Variants in DERA observed in about 807,000 individuals in gnomAD.
DERA encodes deoxyribose-phosphate aldolase.
DERA carries 15 observed loss-of-function variants against 41.1 expected under a neutral mutation model. The ratio of observed to expected loss-of-function variants is 0.37; its 90% CI spans 0.24 to 0.56. The LOEUF (loss-of-function observed/expected upper bound fraction) is 0.56. DERA is among the 20% of genes least tolerant of loss of function. DERA has a pLI of 0.81. For missense variants in DERA, 396 were observed against 403.4 expected, an observed-to-expected ratio of 0.98 and a Z score of 0.16; for synonymous variants, 139 against 137.4, an observed-to-expected ratio of 1.01 and a Z score of -0.08.
chr12:15,956,802 C>A (rs746741231), intron 1 of DERA, 134 bp from the exon 2 acceptor site: 15 of 771,288 alleles, frequency 1.9e-5, no homozygotes, highest in African/African-American at 1.9e-4. Flanking sequence ...TATAGTTGTA[C>A]AAAAAAGAAA....
rs1436681474 is a variant in DERA, at chr12:15,995,272, T to G, written c.637+12836T>G. 1.3e-5 allele frequency among the ~76,000 whole-genome samples: 2 copies of G among 152,100 alleles called. No homozygotes were observed. Among genetic ancestry groups the G allele is most frequent in the African/African-American group, 2.4e-5 (1 of 41,402 alleles). On this transcript the variant is annotated intron_variant, in intron 6 of 8. Coordinates refer to ENST00000428559, the MANE Select transcript of DERA (RefSeq NM_015954.4). This position sits in a 1 kb window ranked among gnomAD's most constrained non-coding sequence, Gnocchi z 5.1. ...AGAGAGGCAAGGTGTTTGCAGAAAT[T>G]TATAGGAGTTGGTGAACATGAAATC...
rs1192004990 is a variant in DERA, at chr12:16,004,136, T to G, written c.637+21700T>G. The stretch of plus-strand genomic sequence containing the variant: ...TTTTGGAATGCAATCTATTTCTAGG[T>G]TGGAGAATGGCATTACTAAACTGCT... On this transcript the variant is annotated intron_variant, in intron 6 of 8. Coordinates refer to ENST00000428559, the MANE Select transcript of DERA (RefSeq NM_015954.4). The surrounding 1 kb of genome is among the most constrained non-coding windows in gnomAD (Gnocchi z 4.2). 6.6e-6 allele frequency among the ~76,000 whole-genome samples: 1 copy of G among 152,210 alleles called. No individual in the cohort carries two copies. Among genetic ancestry groups the G allele is most frequent in the Non-Finnish European group, 1.5e-5 (1 of 68,040 alleles).
chr12:16,020,604 G>T lies in DERA; in HGVS notation c.638-11938G>T, dbSNP rs1204519424. Among the ~76,000 whole-genome samples, 1 of 152,212 alleles carries T rather than the reference G, an allele frequency of 6.6e-6. No homozygotes were observed. The highest frequency in any genetic ancestry group is 1.5e-5 in the Non-Finnish European group (1 of 68,034). ...AGCTTTGGAACTGGGTAATGGAGAG[G>T]TTGGAAGAGTTTGGAGGGCCCAGAA... On this transcript the variant is annotated intron_variant, in intron 6 of 8. Coordinates refer to ENST00000428559, the MANE Select transcript of DERA (RefSeq NM_015954.4). The surrounding 1 kb of genome is among the most constrained non-coding windows in gnomAD (Gnocchi z 5.5).
chr12:15,915,152 A>G lies in DERA; in HGVS notation c.31+3738A>G, dbSNP rs1419055044. On this transcript the variant is annotated intron_variant, in intron 1 of 8. Transcript: ENST00000428559. This position sits in a 1 kb window ranked among gnomAD's most constrained non-coding sequence, Gnocchi z 4.8. ...GGTCTGGTTCAGGACCTGGACATCAAGCTAGAGCTACAATTAAATGCAAGT... is the reference window on the plus strand; with the variant it reads ...GGTCTGGTTCAGGACCTGGACATCAGGCTAGAGCTACAATTAAATGCAAGT... Among the ~76,000 whole-genome samples, 1 of 152,236 alleles carries G rather than the reference A, an allele frequency of 6.6e-6. No homozygotes were observed. Among genetic ancestry groups the G allele is most frequent in the African/African-American group, 2.4e-5 (1 of 41,460 alleles).
intron 6 of DERA, among the ~76,000 whole-genome samples, chr12:16,031,081 A>G (rs2136189508): frequency 6.6e-6 from 1 of 152,314 alleles, no homozygotes; most frequent in East Asian, 1.9e-4. Flanking sequence ...GCTTTGTGTA[A>G]TACTATGAAG....
chr12:16,010,385 T>C lies in DERA; in HGVS notation c.638-22157T>C, dbSNP rs1948939243. On this transcript the variant is annotated intron_variant, in intron 6 of 8. Coordinates refer to ENST00000428559, the MANE Select transcript of DERA (RefSeq NM_015954.4). This position sits in a 1 kb window ranked among gnomAD's most constrained non-coding sequence, Gnocchi z 5.5. Reference sequence around the variant, plus strand: ...CAGGAATTTGTGAATGATTCTGATATCCCAGTGATATAAAACATGATCTGG... The same window carrying C: ...CAGGAATTTGTGAATGATTCTGATACCCCAGTGATATAAAACATGATCTGG... Among the ~76,000 whole-genome samples the C allele has an allele frequency of 6.6e-6, 1 of 152,126 alleles. No homozygotes were observed. Among genetic ancestry groups the C allele is most frequent in the African/African-American group, 2.4e-5 (1 of 41,412 alleles).
chr12:16,005,438 G>T (rs1463154022), intron 6 of DERA, among the ~76,000 whole-genome samples: 1 of 151,840 alleles, frequency 6.6e-6, no homozygotes, highest in Non-Finnish European at 1.5e-5. Context: ...GTAACAGAGA[G>T]AAAAAAAATT....
intron 5 of DERA, among the ~76,000 whole-genome samples, chr12:15,969,095 T>C (rs1014482134): frequency 2.6e-5 from 4 of 152,226 alleles, no homozygotes; most frequent in African/African-American, 4.8e-5. Flanking sequence ...TTAGTACATG[T>C]AATACAGTAT....
chr12:15,983,380 G>C lies in DERA; in HGVS notation c.637+944G>C, dbSNP rs1157739165. ...GTTCTCCAGCCAGGTAGAGTTACTT[G>C]CACTTCTCTGCAGATGGTGCCATCC... On this transcript the variant is annotated intron_variant, in intron 6 of 8. Coordinates refer to ENST00000428559, the MANE Select transcript of DERA (RefSeq NM_015954.4). This position sits in a 1 kb window ranked among gnomAD's most constrained non-coding sequence, Gnocchi z 6.2. Among the ~76,000 whole-genome samples, 1 of 152,228 alleles carries C rather than the reference G, an allele frequency of 6.6e-6. No homozygotes were observed. The highest frequency in any genetic ancestry group is 1.5e-5 in the Non-Finnish European group (1 of 68,002).
At chr12:15,932,248 T>C (rs1040714566) in intron 1 of DERA, among the ~76,000 whole-genome samples, 2 of 152,202 alleles carry the variant, frequency 1.3e-5, no homozygotes, top group Non-Finnish European at 2.9e-5. Context: ...TCCAAAGCAT[T>C]GTTAGTTCAA....
rs115973849 is a variant in DERA at position 15,928,360 on chromosome 12, T to C, written c.31+16946T>C. 0.015 allele frequency among the ~76,000 whole-genome samples: 2,296 copies of C among 152,314 alleles called. 55 individuals carry two copies. The highest frequency in any genetic ancestry group is 0.053 in the African/African-American group (2,197 of 41,560). On this transcript the variant is annotated intron_variant, in intron 1 of 8. Transcript: ENST00000428559. The surrounding 1 kb of genome is among the most constrained non-coding windows in gnomAD (Gnocchi z 4.6). ...TCTAAGTGTTATTTTAATTAACAAA[T>C]TTTAAATTTCTTGCCCATTATTCCA...
At chr12:15,960,087 G>A (rs1948572628) in intron 4 of DERA, among the ~76,000 whole-genome samples, 163 bp downstream of exon 4, 1 of 151,702 alleles carries the variant, frequency 6.6e-6, no homozygotes, top group Non-Finnish European at 1.5e-5. Context: ...CTTAGTAAGT[G>A]GAAGACATTT....
Position 16,021,813 on chromosome 12 carries a change from T to C in DERA, c.638-10729T>C, listed in dbSNP as rs1291646264. Among the ~76,000 whole-genome samples, 1 of 152,156 alleles carries C rather than the reference T, an allele frequency of 6.6e-6. No homozygotes were observed. The highest frequency in any genetic ancestry group is 1.5e-5 in the Non-Finnish European group (1 of 68,016). ...CCCCTTTTTTGGCTGATTTCTCCCT[T>C]TGGGAATGGTAATGTTTACCCAGCA... On this transcript the variant is annotated intron_variant, in intron 6 of 8. Transcript: ENST00000428559. This position sits in a 1 kb window ranked among gnomAD's most constrained non-coding sequence, Gnocchi z 5.3.
At chr12:16,034,140 A>T (rs777757351) in intron 7 of DERA, among the ~76,000 whole-genome samples, 9 of 152,218 alleles carry the variant, frequency 5.9e-5, no homozygotes, top group Non-Finnish European at 1.3e-4. Context: ...TGGGTCTGGC[A>T]TAGTCTTCAG....
rs917962812 is a variant in DERA, at chr12:15,921,841, G to A, written c.31+10427G>A. Among the ~76,000 whole-genome samples the A allele has an allele frequency of 6.6e-6, 1 of 152,040 alleles. No individual in the cohort carries two copies. The highest frequency in any genetic ancestry group is 1.5e-5 in the Non-Finnish European group (1 of 68,020). Reference sequence around the variant, plus strand: ...CTCGGGAGACTGAGGTAGGAGAATCGCTTGAACCCAGGAGGCAGAGGTTGC... The same window carrying A: ...CTCGGGAGACTGAGGTAGGAGAATCACTTGAACCCAGGAGGCAGAGGTTGC... On this transcript the variant is annotated intron_variant, in intron 1 of 8. Coordinates refer to ENST00000428559, the MANE Select transcript of DERA (RefSeq NM_015954.4). This position sits in a 1 kb window ranked among gnomAD's most constrained non-coding sequence, Gnocchi z 5.3.
rs1948860288 is a variant in DERA at position 15,999,419 on chromosome 12, T to G, written c.637+16983T>G. 6.6e-6 allele frequency among the ~76,000 whole-genome samples: 1 copy of G among 152,178 alleles called. No individual in the cohort carries two copies. The highest frequency in any genetic ancestry group is 1.5e-5 in the Non-Finnish European group (1 of 68,030). On this transcript the variant is annotated intron_variant, in intron 6 of 8. Coordinates refer to ENST00000428559, the MANE Select transcript of DERA (RefSeq NM_015954.4). This position sits in a 1 kb window ranked among gnomAD's most constrained non-coding sequence, Gnocchi z 5.3. ...TGTCATTTTGGGAAAGCAGGTGATG[T>G]GGGGACACGTTTTCCAAGCACTTCA...
At chr12:15,930,167 A>C (rs1032660295) in intron 1 of DERA, among the ~76,000 whole-genome samples, 36 of 152,222 alleles carry the variant, frequency 2.4e-4, no homozygotes, top group Non-Finnish European at 5.1e-4. Flanking sequence ...GAATGTTGGA[A>C]AATTCTGACC....
intron 1 of DERA, 70 bp from the exon 2 acceptor site, chr12:15,956,866 C>T (rs1948543566): frequency 4.7e-6 from 5 of 1,062,388 alleles, no homozygotes; most frequent in Non-Finnish European, 7.4e-6. Flanking sequence ...CTTTCAAGGA[C>T]CATGTAAAAA....
chr12:15,912,108 C>T (rs939650787), intron 1 of DERA, among the ~76,000 whole-genome samples: 3 of 150,816 alleles, frequency 2.0e-5, no homozygotes, highest in African/African-American at 4.9e-5. Context: ...GAGGGAAGGT[C>T]AGCTGATAAA....
Sources: allele counts gnomAD v4.1 joint callset (sites outside exome capture counted in the v4.1 genomes callset), GRCh38; gene constraint gnomAD v4.1.1; non-coding constraint Gnocchi (gnomAD v3.1); transcripts MANE v1.5; gene names NCBI Gene and HGNC (gene_info 2026-07-23, HGNC 2026-07-21).